Variants in LPCAT1 observed in about 807,000 individuals in gnomAD.
LPCAT1 encodes the protein lysophosphatidylcholine acyltransferase 1.
Under a neutral mutation model 60.9 loss-of-function variants are expected in LPCAT1, and 23 were observed. The observed-to-expected ratio is 0.38, with a 90% CI of 0.27 to 0.53. The LOEUF is 0.53. LPCAT1 is among the 20% of genes least tolerant of loss of function. LPCAT1 has a pLI of 0.82. For missense variants in LPCAT1, 622 were observed against 723.6 expected (o/e 0.86, Z 1.61); for synonymous variants, 340 against 301.1 (o/e 1.13, Z -1.34).
In LPCAT1 at chr5:1,480,489, G is replaced by T; in HGVS notation, c.761+453C>A. 2.3e-6 allele frequency: 1 copy of T among 434,224 alleles called. No individual in the cohort carries two copies. The highest frequency in any genetic ancestry group is 3.1e-6 in the Non-Finnish European group (1 of 326,182). 26.9% of individuals were successfully genotyped at this position (434,224 alleles called of 1,614,324 possible). A position where few individuals can be genotyped will look rare whatever the true frequency, so the allele number is the denominator to read the frequency against. On this transcript the variant is annotated intron_variant, in intron 7 of 13. Coordinates refer to ENST00000283415, the MANE Select transcript of LPCAT1 (RefSeq NM_024830.5). This position sits in a 1 kb window ranked among gnomAD's most constrained non-coding sequence, Gnocchi z 6.4. Reference sequence around the variant, plus strand: ...GGCTCGTTCCCGTTTCCGTGGGGTTGTTCATTGTTGCATAACTGACCTTCG... The same window carrying T: ...GGCTCGTTCCCGTTTCCGTGGGGTTTTTCATTGTTGCATAACTGACCTTCG...
Position 1,463,854 on chromosome 5 carries a change from C to T in LPCAT1, c.1421-19G>A, listed in dbSNP as rs1044952937. ...AAGTCAGCTGGAAAGACAAAGGCAC[C>T]TGTGGTTATGGAATGGGGACGAGCA... On this transcript the variant is annotated intron_variant, in intron 13 of 13. Transcript: ENST00000283415. 3 of 1,612,234 alleles carry T rather than the reference C, an allele frequency of 1.9e-6. No individual in the cohort carries two copies. The highest frequency in any genetic ancestry group is 1.1e-5 in the South Asian group (1 of 90,968).
chr5:1,465,307 C>T lies in LPCAT1; in HGVS notation c.1420+1442G>A, dbSNP rs528029521. Among the ~76,000 whole-genome samples the T allele has an allele frequency of 2.5e-4, 35 of 141,462 alleles. No individual in the cohort carries two copies. The South Asian group carries it at 3.9e-3, about 16-fold the overall frequency. 92.8% of individuals were successfully genotyped at this position (141,462 alleles called of 152,430 possible). ...ACGCACGGTACTAAACACATGTGCG[C>T]GCACACACAAAACAAGCGCAGGCAC... On this transcript the variant is annotated intron_variant, in intron 13 of 13. Coordinates refer to ENST00000283415, the MANE Select transcript of LPCAT1 (RefSeq NM_024830.5).
chr5:1,474,566 C>T lies in LPCAT1; in HGVS notation c.1019G>A (p.Gly340Asp), dbSNP rs1306985481. 1 of 1,613,726 alleles carries T rather than the reference C, an allele frequency of 6.2e-7. No homozygotes were observed. The highest frequency in any genetic ancestry group is 1.3e-5 in the African/African-American group (1 of 74,940). The change falls in exon 10 of 14, where the codon GGC becomes GAC. Residue 340 changes from glycine to aspartate, a missense_variant. Transcript: ENST00000283415. ...AGAAGAACCAGGTACTCACCCGAGG[C>T]CCCGCACGAGCCTGGCAAATTCTAA... ...CLLEFARLVRGLGLKPEKLEK... is the reference protein window; with the variant it reads ...CLLEFARLVRDLGLKPEKLEK...
chr5:1,467,259 T>G (rs748030674), intron 12 of LPCAT1: 2 of 232,036 alleles, frequency 8.6e-6, no homozygotes, highest in Non-Finnish European at 1.7e-5. Context: ...GGCTGCAGAG[T>G]TCCCCCACGG....
intron 13 of LPCAT1, 104 bp from the exon 14 acceptor site, chr5:1,463,939 T>A: frequency 3.4e-6 from 4 of 1,173,644 alleles, no homozygotes; most frequent in Non-Finnish European, 4.9e-6. Flanking sequence ...CCTCACGCCC[T>A]CCAGGGAGGG....
At chr5:1,507,199 G>T (rs73033823) in intron 1 of LPCAT1, among the ~76,000 whole-genome samples, 2,433 of 152,256 alleles carry the variant, frequency 0.016, 67 homozygotes, top group African/African-American at 0.054. Context: ...GGACACTGTG[G>T]ACGCCTGCAG....
rs772417625 is a variant in LPCAT1 at position 1,470,956 on chromosome 5, G to C, written c.1180-32C>G. ...GGAGAGACGCTCTCAGCCACAGCTC[G>C]GCCGCCTTCGGCACTGGAGAAACGC... On this transcript the variant is annotated intron_variant, in intron 11 of 13. Coordinates refer to ENST00000283415, the MANE Select transcript of LPCAT1 (RefSeq NM_024830.5). 3.1e-6 allele frequency: 5 copies of C among 1,588,846 alleles called. No individual in the cohort carries two copies. The East Asian group carries it at 6.7e-5, about 21-fold the overall frequency.
chr5:1,472,951 G>A (rs893292979), intron 11 of LPCAT1, among the ~76,000 whole-genome samples: 2 of 152,198 alleles, frequency 1.3e-5, no homozygotes, highest in South Asian at 2.1e-4. Flanking sequence ...GCATACTTGC[G>A]GGGCAGCCTC....
intron 12 of LPCAT1, chr5:1,467,095 C>G (rs2126474777): frequency 2.3e-6 from 1 of 429,704 alleles, no homozygotes; most frequent in South Asian, 1.2e-4. Context: ...CTCCAGGTGC[C>G]TCGTGGACAC....
rs1169501774 is a variant in LPCAT1 at position 1,522,315 on chromosome 5, C to A, written c.135+1395G>T. ...GAATGGTTGAGGGGCACAGAATGAGCGACCGTGTCCCAAGTCCTCCTTTGA... is the reference window on the plus strand; with the variant it reads ...GAATGGTTGAGGGGCACAGAATGAGAGACCGTGTCCCAAGTCCTCCTTTGA... On this transcript the variant is annotated intron_variant, in intron 1 of 13. Transcript: ENST00000283415. The surrounding 1 kb of genome is among the most constrained non-coding windows in gnomAD (Gnocchi z 6.8). Among the ~76,000 whole-genome samples, 4 of 152,234 alleles carry A rather than the reference C, an allele frequency of 2.6e-5. No individual in the cohort carries two copies. The highest frequency in any genetic ancestry group is 4.4e-5 in the Non-Finnish European group (3 of 68,012).
intron 10 of LPCAT1, among the ~76,000 whole-genome samples, 154 bp downstream of exon 10, chr5:1,474,406 G>A (rs1256518482): frequency 6.6e-6 from 1 of 152,242 alleles, no homozygotes; most frequent in Non-Finnish European, 1.5e-5. Context: ...GGGATTGAAA[G>A]ACACTATGTG....
At chr5:1,471,618 A>C (rs1171154468) in intron 11 of LPCAT1, among the ~76,000 whole-genome samples, 2 of 151,084 alleles carry the variant, frequency 1.3e-5, no homozygotes, top group Non-Finnish European at 3.0e-5. Flanking sequence ...GTCAGACAGC[A>C]GGAGATGAAG....
At position 1,490,429 on chromosome 5, in the gene LPCAT1, G is replaced by C. The variant is rs371306040; in HGVS notation, c.494-571C>G. ...GATGAGGGTCCCTATGGGAAGAGGA[G>C]ACGAAGAGGGGGAGAGAAGGCCAAT... On this transcript the variant is annotated intron_variant, in intron 3 of 13. Transcript: ENST00000283415. 5.3e-5 allele frequency among the ~76,000 whole-genome samples: 8 copies of C among 152,344 alleles called. No individual in the cohort carries two copies. In the South Asian group the frequency reaches 1.0e-3, roughly 20 times the overall value.
intron 13 of LPCAT1, among the ~76,000 whole-genome samples, chr5:1,465,865 A>G (rs1734371941): frequency 8.0e-6 from 1 of 124,536 alleles, no homozygotes; most frequent in Non-Finnish European, 2.0e-5. Flanking sequence ...CACTTTCAGT[A>G]CTGAAACAAA....
intron 3 of LPCAT1, among the ~76,000 whole-genome samples, chr5:1,491,038 G>A (rs1283748406): frequency 1.3e-5 from 2 of 151,334 alleles, no homozygotes; most frequent in Non-Finnish European, 2.9e-5. Flanking sequence ...TTTCTTGGAG[G>A]TTCTCTCCTC....
Position 1,521,393 on chromosome 5 carries a change from A to G in LPCAT1, c.135+2317T>C, listed in dbSNP as rs116558981. On this transcript the variant is annotated intron_variant, in intron 1 of 13. Transcript: ENST00000283415. This position sits in a 1 kb window ranked among gnomAD's most constrained non-coding sequence, Gnocchi z 4.3. ...TTAGCTGGGTTTCTGCGGGTTCTTG[A>G]GTGTGTCAGCCACTACTGGACCCAT... 1.9e-3 allele frequency: 1,830 copies of G among 985,392 alleles called. 17 individuals carry two copies. The African/African-American group carries it at 0.026, about 14-fold the overall frequency. The allele number at this position is 985,392 out of a possible 1,614,324, so 61.0% of individuals were successfully genotyped here.
At chr5:1,471,984 GGCA>G (rs1430683203) in intron 11 of LPCAT1, among the ~76,000 whole-genome samples, 1 of 143,518 alleles carries the variant, frequency 7.0e-6, no homozygotes, top group African/African-American at 2.6e-5. Context: ...ACTCTGGCCA[GGCA>G]GCAGGAGGTG....
chr5:1,471,716 G>A (rs1157350593), intron 11 of LPCAT1, among the ~76,000 whole-genome samples: 1 of 151,784 alleles, frequency 6.6e-6, no homozygotes, highest in Non-Finnish European at 1.5e-5. Flanking sequence ...AGGGGTAGAG[G>A]GAGGGCTCCC....
chr5:1,485,389 G>C (rs1237206069), intron 5 of LPCAT1, among the ~76,000 whole-genome samples: 1 of 152,186 alleles, frequency 6.6e-6, no homozygotes, highest in Non-Finnish European at 1.5e-5. Context: ...GGCTGCACAA[G>C]GGCCAGGCTG....
Sources: allele counts gnomAD v4.1 joint callset (sites outside exome capture counted in the v4.1 genomes callset), GRCh38; gene constraint gnomAD v4.1.1; non-coding constraint Gnocchi (gnomAD v3.1); transcripts MANE v1.5; gene names NCBI Gene and HGNC (gene_info 2026-07-23, HGNC 2026-07-21).